Variants in KLF12 observed in about 807,000 individuals in gnomAD.
KLF12 encodes Krueppel-like factor 12.
In KLF12, 9 loss-of-function variants were observed where a neutral mutation model predicts 37.8. The ratio of observed to expected loss-of-function variants is 0.24; its 90% CI spans 0.14 to 0.42. The LOEUF (loss-of-function observed/expected upper bound fraction) is 0.42, where lower values mean the gene tolerates loss of function less well. KLF12 is among the 10% of genes least tolerant of loss of function. The pLI, the probability that KLF12 is intolerant of heterozygous loss-of-function variation, is 1.00. For synonymous variants in KLF12, 208 were observed against 202.1 expected (o/e 1.03, Z -0.25); for missense variants, 411 against 516.0 (o/e 0.80, Z 1.97).
chr13:74,187,092 CA>C, the KLF12 span, among the ~76,000 whole-genome samples: 1 of 152,210 alleles, frequency 6.6e-6, no homozygotes, highest in Non-Finnish European at 1.5e-5. Flanking sequence ...CTAGGAATGA[CA>C]GGGTCCATTA....
At chr13:74,253,284 T>C in the KLF12 span, among the ~76,000 whole-genome samples, 1 of 152,242 alleles carries the variant, frequency 6.6e-6, no homozygotes, top group Non-Finnish European at 1.5e-5. Flanking sequence ...TACAGGAATC[T>C]GACTGCAGGC....
chr13:74,209,167 A>G, the KLF12 span, among the ~76,000 whole-genome samples: 1 of 152,140 alleles, frequency 6.6e-6, no homozygotes, highest in Non-Finnish European at 1.5e-5. Flanking sequence ...TAATGACACA[A>G]ACTCCATTTG....
chr13:74,065,579 T>C (rs985407591), intron 1 of KLF12, among the ~76,000 whole-genome samples: 5 of 152,140 alleles, frequency 3.3e-5, no homozygotes, highest in Admixed American at 3.3e-4. Flanking sequence ...AGTGTTTGTG[T>C]GTTGTACTGT....
At chr13:73,960,586 G>A (rs1008500448) in intron 2 of KLF12, among the ~76,000 whole-genome samples, 1 of 152,092 alleles carries the variant, frequency 6.6e-6, no homozygotes, top group African/African-American at 2.4e-5. Context: ...CCAGCAATGT[G>A]CACATACATA....
intron 2 of KLF12, among the ~76,000 whole-genome samples, chr13:73,977,654 G>A (rs959010800): frequency 6.6e-6 from 1 of 152,154 alleles, no homozygotes; most frequent in African/African-American, 2.4e-5. Flanking sequence ...TAAAGACCTA[G>A]AATAGTTAAT....
chr13:73,799,415 GA>G (rs1320213473), intron 5 of KLF12, among the ~76,000 whole-genome samples: 2 of 151,722 alleles, frequency 1.3e-5, no homozygotes, highest in African/African-American at 4.8e-5. Flanking sequence ...AAAATAAAAA[GA>G]AATGAAAAAA....
the KLF12 span, among the ~76,000 whole-genome samples, chr13:74,184,045 C>A: frequency 3.3e-5 from 5 of 152,184 alleles, no homozygotes; most frequent in Non-Finnish European, 5.9e-5. Flanking sequence ...TGACCATCAG[C>A]CTCAGCATCA....
At chr13:74,302,344 A>T in the KLF12 span, among the ~76,000 whole-genome samples, 4 of 152,276 alleles carry the variant, frequency 2.6e-5, no homozygotes, top group South Asian at 8.3e-4. Flanking sequence ...AAAATAATGG[A>T]TAAGATACAG....
intron 2 of KLF12, among the ~76,000 whole-genome samples, chr13:73,989,291 C>T (rs1310289370): frequency 6.6e-6 from 1 of 152,220 alleles, no homozygotes; most frequent in East Asian, 1.9e-4. Context: ...TGGGAGCTGA[C>T]AAACAGCTCC....
intron 5 of KLF12, 39 bp from the exon 6 acceptor site, chr13:73,765,039 A>G (rs941532865): frequency 8.1e-7 from 1 of 1,227,116 alleles, no homozygotes; most frequent in Non-Finnish European, 1.2e-6. Context: ...TTGAAAAAGC[A>G]TATTCCCAAT....
rs57682253 is a variant in KLF12 at position 73,963,351 on chromosome 13, T to TACACACAC, written c.34-19289_34-19282dup. Among the ~76,000 whole-genome samples the TACACACAC allele has an allele frequency of 2.2e-4, 33 of 149,314 alleles. No individual in the cohort carries two copies. The East Asian group carries it at 4.6e-3, about 21-fold the overall frequency. On this transcript the variant is annotated intron_variant, in intron 2 of 7. Coordinates refer to ENST00000377669, the MANE Select transcript of KLF12 (RefSeq NM_007249.5). ...TATGCTGAAGTATAGTACTTCAGTA[T>TACACACAC]ACACACACACACACACACACTCGGA...
At chr13:74,202,361 C>T in the KLF12 span, among the ~76,000 whole-genome samples, 3 of 152,066 alleles carry the variant, frequency 2.0e-5, no homozygotes, top group Non-Finnish European at 4.4e-5. Flanking sequence ...GCTTATGCTC[C>T]ACTATTCAAG....
intron 1 of KLF12, among the ~76,000 whole-genome samples, chr13:74,040,396 C>T (rs1893369648): frequency 1.3e-5 from 2 of 152,286 alleles, no homozygotes; most frequent in South Asian, 4.2e-4. Context: ...AGGCACCACT[C>T]CTGACGACTG....
chr13:74,089,816 A>C (rs996387356), intron 1 of KLF12, among the ~76,000 whole-genome samples: 2 of 151,610 alleles, frequency 1.3e-5, no homozygotes, highest in Non-Finnish European at 1.5e-5. Flanking sequence ...AAAAAAAAAA[A>C]AAAAAACAAC....
intron 1 of KLF12, among the ~76,000 whole-genome samples, chr13:74,116,927 T>A (rs1472294684): frequency 6.6e-6 from 1 of 152,048 alleles, no homozygotes. Flanking sequence ...AGAGCAAACG[T>A]AAGAAAAATG....
At chr13:74,170,698 A>G in the KLF12 span, among the ~76,000 whole-genome samples, 11 of 152,280 alleles carry the variant, frequency 7.2e-5, no homozygotes, top group African/African-American at 2.6e-4. Context: ...TCTGCTTCAC[A>G]TGTTTGAAAA....
rs1873888676 is a variant in KLF12 at position 73,692,742 on chromosome 13, T to C, written c.*2748A>G. ...AGACAAGCCCCAAAGAAGTTTCAGT[T>C]CCTGAGGCTAGACCAGGGACTCAAT... On this transcript the variant is annotated 3_prime_UTR_variant, in exon 8 of 8. Transcript: ENST00000377669. 1 of 152,638 alleles carries C rather than the reference T, an allele frequency of 6.6e-6. No individual in the cohort carries two copies. Among genetic ancestry groups the C allele is most frequent in the Admixed American group, 6.5e-5 (1 of 15,284 alleles). 9.5% of individuals were successfully genotyped at this position (152,638 alleles called of 1,614,324 possible).
intron 3 of KLF12, among the ~76,000 whole-genome samples, chr13:73,859,939 T>G (rs983867805): frequency 2.0e-5 from 3 of 152,172 alleles, no homozygotes; most frequent in Admixed American, 6.5e-5. Context: ...AGCTAAAGAC[T>G]CATAACTTTT....
chr13:73,719,208 A>C (rs1876040871), intron 6 of KLF12, among the ~76,000 whole-genome samples: 1 of 152,186 alleles, frequency 6.6e-6, no homozygotes. Flanking sequence ...GAAGAACCTG[A>C]AGAACACAGG....
Sources: allele counts gnomAD v4.1 joint callset (sites outside exome capture counted in the v4.1 genomes callset), GRCh38; gene constraint gnomAD v4.1.1; transcripts MANE v1.5; gene names NCBI Gene and HGNC (gene_info 2026-07-23, HGNC 2026-07-21).